Variants in PRRC2C observed in about 807,000 individuals in gnomAD.
The protein encoded by PRRC2C is proline rich coiled-coil 2C, also known as protein PRRC2C.
A neutral mutation model predicts 317.2 loss-of-function variants in PRRC2C; 72 were observed. The ratio of observed to expected loss-of-function variants is 0.23; its 90% CI spans 0.19 to 0.28. The LOEUF (loss-of-function observed/expected upper bound fraction) is 0.28. Among genes scored for constraint, PRRC2C ranks in the 10% least tolerant of loss-of-function variants. The pLI is 1.00. For missense variants in PRRC2C, 3,074 were observed against 3,459.7 expected (o/e 0.89, Z 2.80); for synonymous variants, 1,296 against 1,205.9 (o/e 1.07, Z -1.55).
chr1:171,526,805 C>CTTTTTTTTTTT lies in PRRC2C; in HGVS notation c.1201-975_1201-965dup, dbSNP rs938229816. On this transcript the variant is annotated intron_variant, in intron 10 of 34. Transcript: ENST00000647382. The stretch of plus-strand genomic sequence containing the variant: ...AAAATCATTACATTCAGAAATATAT[C>CTTTTTTTTTTT]TTTTTTTTTTTTTTTTTTTTTGAGA... 2.6e-3 allele frequency among the ~76,000 whole-genome samples: 239 copies of CTTTTTTTTTTT among 90,200 alleles called. 34 individuals are homozygous for CTTTTTTTTTTT. The highest frequency in any genetic ancestry group is 6.6e-3 in the African/African-American group (142 of 21,564). 59.2% of individuals were successfully genotyped at this position (90,200 alleles called of 152,430 possible).
At chr1:171,500,322 G>A (rs1668851469) in intron 1 of PRRC2C, among the ~76,000 whole-genome samples, 1 of 152,194 alleles carries the variant, frequency 6.6e-6, no homozygotes, top group Non-Finnish European at 1.5e-5. Flanking sequence ...AGGAATTTGA[G>A]AGACCATAGC....
intron 1 of PRRC2C, among the ~76,000 whole-genome samples, chr1:171,496,805 G>GTGTGTGTT (rs1204522218): frequency 6.9e-6 from 1 of 144,920 alleles, no homozygotes; most frequent in African/African-American, 2.5e-5. Flanking sequence ...GTGTGTGTGT[G>GTGTGTGTT]TGTGTGTTTT....
At chr1:171,511,974 A>T in intron 1 of PRRC2C, 58 bp from the exon 2 acceptor site, 1 of 550,084 alleles carries the variant, frequency 1.8e-6, no homozygotes. Flanking sequence ...AATTTCTGTG[A>T]ACATTTGAAT....
At chr1:171,586,017 GT>G (rs781736876) in intron 30 of PRRC2C, among the ~76,000 whole-genome samples, 9 of 148,048 alleles carry the variant, frequency 6.1e-5, no homozygotes, top group Non-Finnish European at 8.9e-5. Flanking sequence ...TGAAACAGAA[GT>G]TCTGACCTCA....
chr1:171,579,251 C>T, intron 26 of PRRC2C, 103 bp from the exon 27 acceptor site: 2 of 1,400,920 alleles, frequency 1.4e-6, no homozygotes, highest in East Asian at 2.5e-5. Flanking sequence ...TCAGAGGGTG[C>T]ACTTAATTTG....
chr1:171,527,001 T>A (rs1332487171), intron 10 of PRRC2C, among the ~76,000 whole-genome samples: 2 of 147,272 alleles, frequency 1.4e-5, no homozygotes, highest in Non-Finnish European at 3.0e-5. Context: ...TAGAGACAGG[T>A]TTCGCCATGT....
intron 11 of PRRC2C, among the ~76,000 whole-genome samples, chr1:171,532,141 C>A (rs749750463): frequency 1.3e-5 from 2 of 152,082 alleles, no homozygotes; most frequent in Non-Finnish European, 2.9e-5. Flanking sequence ...AACATTGGAC[C>A]GCTGGATTAA....
intron 34 of PRRC2C, among the ~76,000 whole-genome samples, chr1:171,589,818 C>CT (rs890627375): frequency 2.7e-4 from 35 of 128,976 alleles, no homozygotes; most frequent in East Asian, 6.6e-4. Context: ...TTTTCTTTTT[C>CT]TTTTTTTTTG....
intron 1 of PRRC2C, among the ~76,000 whole-genome samples, chr1:171,508,640 A>T (rs1215715610): frequency 6.6e-6 from 1 of 152,030 alleles, no homozygotes; most frequent in Non-Finnish European, 1.5e-5. Flanking sequence ...TAAATTGTGT[A>T]TTACTACTTT....
chr1:171,566,803 T>A lies in PRRC2C; in HGVS notation c.6518T>A (p.Met2173Lys). The A allele has an allele frequency of 6.2e-7, 1 of 1,613,780 alleles. No homozygotes were observed. The highest frequency in any genetic ancestry group is 8.5e-7 in the Non-Finnish European group (1 of 1,179,854). Residue 2173 changes from methionine to lysine, a missense_variant, in exon 22 of 35, where the codon ATG becomes AAG. Met to Lys is a moderately conservative substitution (Grantham distance 95). Transcript: ENST00000647382. Reference protein sequence around the residue: ...VSEMSTEIGTMISVSSAEYGT... With the variant: ...VSEMSTEIGTKISVSSAEYGT... ...GAAATGTCTACTGAAATAGGAACAA[T>A]GATCTCGGTATCATCTGCAGAATAT...
chr1:171,527,430 G>A (rs1256784304), intron 10 of PRRC2C, among the ~76,000 whole-genome samples: 1 of 152,002 alleles, frequency 6.6e-6, no homozygotes, highest in Non-Finnish European at 1.5e-5. Context: ...ACCGCACCCA[G>A]CAGATATATT....
intron 1 of PRRC2C, among the ~76,000 whole-genome samples, chr1:171,496,456 G>T (rs1668121952): frequency 6.6e-6 from 1 of 151,982 alleles, no homozygotes; most frequent in African/African-American, 2.4e-5. Context: ...ACCTGCCTTG[G>T]CCTCCCAGAG....
chr1:171,585,930 A>T (rs1649799802), intron 30 of PRRC2C, among the ~76,000 whole-genome samples: 1 of 152,130 alleles, frequency 6.6e-6, no homozygotes, highest in Non-Finnish European at 1.5e-5. Flanking sequence ...CTAAACATGA[A>T]ATTCCTTTGT....
chr1:171,491,646 T>G (rs1489878754), intron 1 of PRRC2C, among the ~76,000 whole-genome samples: 2 of 152,204 alleles, frequency 1.3e-5, no homozygotes, highest in African/African-American at 2.4e-5. Flanking sequence ...AACTTTTTGC[T>G]GAGATGGGTT....
chr1:171,540,188 G>A lies in PRRC2C; in HGVS notation c.2722G>A (p.Ala908Thr), dbSNP rs760644. Residue 908 changes from alanine (A) to threonine (T), a missense_variant, in exon 16 of 35, where the codon GCT becomes ACT. Ala to Thr is a moderately conservative substitution (Grantham distance 58). Coordinates refer to ENST00000647382, the MANE Select transcript of PRRC2C (RefSeq NM_001387844.1). ...AGCACCTGATCAAAAGACCTTATCC[G>A]CTCCTCAAGAGGAGCGGATTTCAGC... ...FEAPDQKTLS[A>T]PQEERISAVE... The A allele has an allele frequency of 0.82, 1,322,936 of 1,613,388 alleles. 543,417 individuals are homozygous for A. Among genetic ancestry groups the A allele is most frequent in the East Asian group, 0.89 (40,104 of 44,850 alleles).
At chr1:171,585,824 G>A (rs760409463) in intron 30 of PRRC2C, among the ~76,000 whole-genome samples, 66 of 151,968 alleles carry the variant, frequency 4.3e-4, no homozygotes, top group African/African-American at 1.5e-3. Flanking sequence ...GTCTCTTACC[G>A]AAATGCTTGG....
At chr1:171,503,562 T>A (rs913764760) in intron 1 of PRRC2C, among the ~76,000 whole-genome samples, 3 of 151,690 alleles carry the variant, frequency 2.0e-5, no homozygotes, top group African/African-American at 7.3e-5. Flanking sequence ...TTTTTCAAAG[T>A]GATGGTGCTA....
chr1:171,527,758 A>T (rs747914609), intron 10 of PRRC2C, 33 bp from the exon 11 acceptor site: 22 of 1,529,084 alleles, frequency 1.4e-5, no homozygotes, highest in Non-Finnish European at 1.6e-5. Flanking sequence ...TGTCTCCAAA[A>T]TAATAAGAAT....
At chr1:171,543,846 T>G (rs1678493325) in intron 16 of PRRC2C, among the ~76,000 whole-genome samples, 1 of 152,180 alleles carries the variant, frequency 6.6e-6, no homozygotes, top group Admixed American at 6.5e-5. Flanking sequence ...CATGAGGGCC[T>G]TCTTGTTGGT....
Sources: allele counts gnomAD v4.1 joint callset (sites outside exome capture counted in the v4.1 genomes callset), GRCh38; gene constraint gnomAD v4.1.1; transcripts MANE v1.5; gene names NCBI Gene and HGNC (gene_info 2026-07-23, HGNC 2026-07-21).